SGCZ: variants seen among roughly 807,000 people sequenced by gnomAD.
SGCZ encodes sarcoglycan zeta.
Under a neutral mutation model 41.3 loss-of-function variants are expected in SGCZ, and 40 were observed. The observed-to-expected ratio is 0.97, with a 90% CI of 0.75 to 1.26. The LOEUF is 1.26. SGCZ is among the 50% of genes most tolerant of loss of function. The probability of loss-of-function intolerance (pLI) is 0.00; values close to 1 mark genes in which losing one functional copy is unlikely to be tolerated. For missense variants in SGCZ, 552 were observed against 369.8 expected (o/e 1.49, Z -4.04); for synonymous variants, 206 against 137.5 (o/e 1.50, Z -3.49).
At chr8:15,201,458 T>A (rs545048403) in intron 1 of SGCZ, among the ~76,000 whole-genome samples, 1 of 152,346 alleles carries the variant, frequency 6.6e-6, no homozygotes, top group South Asian at 2.1e-4. Flanking sequence ...TTATGTCCTT[T>A]CACTTCACAG....
rs115402867 is a variant in SGCZ, at chr8:14,161,977, G to C, written c.547+2603C>G. 6.1e-3 allele frequency among the ~76,000 whole-genome samples: 924 copies of C among 152,216 alleles called. 9 individuals are homozygous for C. The highest frequency in any genetic ancestry group is 0.019 in the African/African-American group (807 of 41,548). ...GGAGAGAGAGAGAAAGATAAAGGGA[G>C]AGAGAATAGATAACTGCCTTAAGGC... is the stretch of plus-strand genomic sequence containing the variant. On this transcript the variant is annotated intron_variant, in intron 5 of 7. Transcript: ENST00000382080.
chr8:14,299,168 TA>T (rs1354438060), intron 3 of SGCZ, among the ~76,000 whole-genome samples: 1 of 151,970 alleles, frequency 6.6e-6, no homozygotes, highest in Non-Finnish European at 1.5e-5. Context: ...GCACATCAAC[TA>T]AATTGAAATG....
At chr8:14,688,791 G>A (rs892655454) in intron 1 of SGCZ, among the ~76,000 whole-genome samples, 3 of 152,016 alleles carry the variant, frequency 2.0e-5, no homozygotes, top group Non-Finnish European at 2.9e-5. Flanking sequence ...GGAAATAAAG[G>A]GTATTCAATT....
chr8:14,370,702 C>T (rs942042615), intron 2 of SGCZ, among the ~76,000 whole-genome samples: 21 of 151,874 alleles, frequency 1.4e-4, no homozygotes, highest in African/African-American at 4.8e-4. Flanking sequence ...ACTAGTTACA[C>T]AGCGAGACTT....
intron 4 of SGCZ, among the ~76,000 whole-genome samples, chr8:14,204,779 G>A (rs1805566399): frequency 6.8e-6 from 1 of 146,206 alleles, no homozygotes; most frequent in Non-Finnish European, 1.5e-5. Context: ...AGAACTTCAG[G>A]GTCCCTGGCC....
intron 1 of SGCZ, among the ~76,000 whole-genome samples, chr8:14,807,886 T>C (rs1801598892): frequency 1.3e-5 from 2 of 152,132 alleles, no homozygotes; most frequent in Middle Eastern, 3.4e-3. Context: ...AACAGAGATA[T>C]AGATCAATGG....
chr8:14,912,686 A>G (rs985889461), intron 1 of SGCZ, among the ~76,000 whole-genome samples: 1 of 152,104 alleles, frequency 6.6e-6, no homozygotes, highest in African/African-American at 2.4e-5. Context: ...AGGCCAAAAT[A>G]AAAATGTCAA....
chr8:14,499,581 T>C (rs531836803), intron 2 of SGCZ, among the ~76,000 whole-genome samples: 6 of 152,208 alleles, frequency 3.9e-5, no homozygotes, highest in African/African-American at 1.4e-4. Context: ...ATTTACTGTA[T>C]TTTCAAGCTA....
At chr8:14,871,692 T>A (rs569650902) in intron 1 of SGCZ, among the ~76,000 whole-genome samples, 3 of 152,020 alleles carry the variant, frequency 2.0e-5, no homozygotes, top group African/African-American at 7.2e-5. Context: ...TAGTCCCAGC[T>A]ACTTGGGAGG....
At chr8:14,466,301 G>C (rs955770545) in intron 2 of SGCZ, among the ~76,000 whole-genome samples, 1 of 151,898 alleles carries the variant, frequency 6.6e-6, no homozygotes, top group South Asian at 2.1e-4. Flanking sequence ...TGCTCAATGC[G>C]TTGTGGTTTC....
chr8:14,899,852 G>GGAA (rs201752516), intron 1 of SGCZ, among the ~76,000 whole-genome samples: 133 of 142,768 alleles, frequency 9.3e-4, no homozygotes, highest in African/African-American at 2.5e-3. Flanking sequence ...AGGAAGAGGA[G>GGAA]GAAGAAGAAG....
Position 14,090,553 on chromosome 8 carries a change from G to T in SGCZ, c.829C>A (p.Arg277=). 4 of 1,613,048 alleles carry T rather than the reference G, an allele frequency of 2.5e-6. No homozygotes were observed. Among genetic ancestry groups the T allele is most frequent in the Non-Finnish European group, 3.4e-6 (4 of 1,179,426 alleles). Residue 277 remains arginine, a synonymous_variant, in exon 8 of 8, where the codon CGA becomes AGA. Transcript: ENST00000382080. The part of the protein sequence containing the change: ...SSSSPSSSSS[R]QTVYELCVCP... ...ACGCAGAGTTCATACACTGTCTGTC[G>T]AGAACTTGAGGAGCTGGGTGAAGAA...
chr8:14,099,570 C>T (rs1801947877), intron 7 of SGCZ, among the ~76,000 whole-genome samples: 1 of 152,034 alleles, frequency 6.6e-6, no homozygotes, highest in Admixed American at 6.6e-5. Context: ...TCTAAAAGTA[C>T]AAATATTAGC....
chr8:14,249,302 C>A (rs949478547), intron 3 of SGCZ, among the ~76,000 whole-genome samples: 7 of 152,092 alleles, frequency 4.6e-5, no homozygotes, highest in Non-Finnish European at 2.9e-5. Context: ...GATTTTCAGG[C>A]CTTCATGTTT....
At chr8:14,187,982 G>A (rs1197143273) in intron 4 of SGCZ, among the ~76,000 whole-genome samples, 1 of 152,030 alleles carries the variant, frequency 6.6e-6, no homozygotes, top group African/African-American at 2.4e-5. Flanking sequence ...GCTTAATAAG[G>A]TTAACAGCTG....
At chr8:14,970,592 T>G (rs1490009023) in intron 1 of SGCZ, among the ~76,000 whole-genome samples, 1 of 152,176 alleles carries the variant, frequency 6.6e-6, no homozygotes, top group Non-Finnish European at 1.5e-5. Flanking sequence ...TTTGTATTTC[T>G]GCTGAAAATC....
intron 1 of SGCZ, among the ~76,000 whole-genome samples, chr8:15,017,960 C>T: frequency 6.6e-6 from 1 of 152,064 alleles, no homozygotes; most frequent in East Asian, 1.9e-4. Flanking sequence ...GAACCCCTGG[C>T]CCAAAGTGAT....
intron 1 of SGCZ, among the ~76,000 whole-genome samples, chr8:14,705,572 C>G (rs537738551): frequency 6.6e-6 from 1 of 151,864 alleles, no homozygotes; most frequent in East Asian, 1.9e-4. Context: ...TTTAATAGAT[C>G]AAAATGTTTC....
rs191422096 is a variant in SGCZ at position 14,713,627 on chromosome 8, T to G, written c.40-158701A>C. On this transcript the variant is annotated intron_variant, in intron 1 of 7. Transcript: ENST00000382080. The stretch of plus-strand genomic sequence containing the variant: ...AATGATATACTTTGGAAAATAGAAT[T>G]GATCAGGAAATAAAACAAAAGAAGA... 1.5e-4 allele frequency among the ~76,000 whole-genome samples: 23 copies of G among 150,106 alleles called. 1 individual carries two copies. Among genetic ancestry groups the G allele is most frequent in the Admixed American group, 1.1e-3 (17 of 15,006 alleles).
Sources: gnomAD v4.1 joint callset for allele counts (sites outside exome capture counted in the v4.1 genomes callset) on GRCh38, gnomAD v4.1.1 for gene constraint, MANE v1.5 for transcripts, NCBI Gene and HGNC (gene_info 2026-07-23, HGNC 2026-07-21) for gene names.